CDC42SE2: variants seen among roughly 807,000 people sequenced by gnomAD.
CDC42SE2 encodes CDC42 small effector 2.
Under a neutral mutation model 11.5 loss-of-function variants are expected in CDC42SE2, and 3 were observed. That is an observed-to-expected ratio of 0.26 (90% CI 0.12 to 0.67). CDC42SE2 has a LOEUF of 0.67. Ranked by LOEUF, CDC42SE2 falls within the 30% of genes least tolerant of loss-of-function variation. The pLI, the probability that CDC42SE2 is intolerant of heterozygous loss-of-function variation, is 0.80. For synonymous variants in CDC42SE2, 33 were observed against 34.8 expected, an observed-to-expected ratio of 0.95 and a Z score of 0.18; for missense variants, 82 against 106.8, an observed-to-expected ratio of 0.77 and a Z score of 1.02.
At chr5:131,307,012 T>G (rs1757792319) in intron 1 of CDC42SE2, among the ~76,000 whole-genome samples, 1 of 152,104 alleles carries the variant, frequency 6.6e-6, no homozygotes, top group Non-Finnish European at 1.5e-5. Flanking sequence ...TTTCTACACA[T>G]AAGATCATGT....
At chr5:131,343,467 C>G (rs769078419) in intron 2 of CDC42SE2, among the ~76,000 whole-genome samples, 1 of 152,066 alleles carries the variant, frequency 6.6e-6, no homozygotes, top group Non-Finnish European at 1.5e-5. Flanking sequence ...AATTCCAGCA[C>G]CGTGGGAGGC....
chr5:131,242,193 G>T (rs1233083658), upstream of CDC42SE2, among the ~76,000 whole-genome samples: 1 of 152,144 alleles, frequency 6.6e-6, no homozygotes, highest in Non-Finnish European at 1.5e-5. Context: ...GAAATCTAAA[G>T]GACGGGTAGT....
the CDC42SE2 span, among the ~76,000 whole-genome samples, chr5:131,211,642 A>G: frequency 8.5e-5 from 13 of 152,212 alleles, no homozygotes; most frequent in Non-Finnish European, 1.6e-4. Flanking sequence ...TGCCTTTGCT[A>G]GGCACCCTGA....
At chr5:131,337,632 A>T (rs1393477018) in intron 2 of CDC42SE2, among the ~76,000 whole-genome samples, 1 of 152,120 alleles carries the variant, frequency 6.6e-6, no homozygotes, top group Admixed American at 6.6e-5. Flanking sequence ...TCGAGCTTCC[A>T]GGCTGCTTTG....
intron 1 of CDC42SE2, among the ~76,000 whole-genome samples, chr5:131,297,186 T>C (rs950678613): frequency 6.6e-6 from 1 of 151,680 alleles, no homozygotes. Flanking sequence ...ATTTTTGTTC[T>C]TTCTCGTGCA....
chr5:131,293,554 G>A (rs1165155729), intron 1 of CDC42SE2, among the ~76,000 whole-genome samples: 2 of 137,422 alleles, frequency 1.5e-5, no homozygotes, highest in South Asian at 2.4e-4. Context: ...CCTGGGTGAC[G>A]AGAGCAAAAC....
chr5:131,301,843 A>G (rs1407936496), intron 1 of CDC42SE2, among the ~76,000 whole-genome samples: 1 of 152,082 alleles, frequency 6.6e-6, no homozygotes, highest in Non-Finnish European at 1.5e-5. Flanking sequence ...ATGTATCATC[A>G]TAATATTAAG....
intron 1 of CDC42SE2, among the ~76,000 whole-genome samples, chr5:131,266,505 G>C (rs909185863): frequency 8.7e-5 from 13 of 149,938 alleles, no homozygotes; most frequent in Admixed American, 3.3e-4. Context: ...TGTCACCCAG[G>C]CTAGAGTGCA....
At chr5:131,387,059 T>C (rs1291565696) in intron 4 of CDC42SE2, among the ~76,000 whole-genome samples, 1 of 152,240 alleles carries the variant, frequency 6.6e-6, no homozygotes, top group East Asian at 1.9e-4. Flanking sequence ...AGAGGTATCA[T>C]GTTGCTGTCA....
At chr5:131,321,768 A>G (rs1758195232) in intron 2 of CDC42SE2, among the ~76,000 whole-genome samples, 1 of 151,746 alleles carries the variant, frequency 6.6e-6, no homozygotes, top group Non-Finnish European at 1.5e-5. Context: ...GAAAAAAGGG[A>G]TTCACCTAAT....
chr5:131,334,658 A>G (rs895572284), intron 2 of CDC42SE2, among the ~76,000 whole-genome samples: 8 of 152,176 alleles, frequency 5.3e-5, no homozygotes, highest in African/African-American at 1.9e-4. Flanking sequence ...TTATTGTTCT[A>G]TTCAGAGATT....
intron 2 of CDC42SE2, among the ~76,000 whole-genome samples, chr5:131,326,716 T>C (rs966204714): frequency 6.6e-6 from 1 of 152,318 alleles, no homozygotes; most frequent in Non-Finnish European, 1.5e-5. Flanking sequence ...TTTATAAATA[T>C]GTAATATCTC....
chr5:131,252,801 G>A (rs1756652040), intron 1 of CDC42SE2, among the ~76,000 whole-genome samples: 1 of 152,160 alleles, frequency 6.6e-6, no homozygotes, highest in Admixed American at 6.5e-5. Context: ...ATATCTTCCT[G>A]ATTTTATACA....
intron 2 of CDC42SE2, among the ~76,000 whole-genome samples, chr5:131,355,782 G>C (rs373309894): frequency 4.6e-5 from 7 of 152,064 alleles, no homozygotes; most frequent in Middle Eastern, 3.4e-3. Flanking sequence ...TTTGGAAGTT[G>C]ACCTAAAAAG....
chr5:131,271,042 C>G (rs1048397419), intron 1 of CDC42SE2, among the ~76,000 whole-genome samples: 1 of 152,138 alleles, frequency 6.6e-6, no homozygotes, highest in Non-Finnish European at 1.5e-5. Flanking sequence ...AAAGCTGACT[C>G]TTTCTTCAGG....
chr5:131,237,786 G>A, the CDC42SE2 span, among the ~76,000 whole-genome samples: 5 of 151,978 alleles, frequency 3.3e-5, no homozygotes, highest in South Asian at 4.2e-4. Flanking sequence ...ACAGAGTCTC[G>A]CTATATTGCC....
chr5:131,345,432 A>C (rs974382932), intron 2 of CDC42SE2, among the ~76,000 whole-genome samples: 2 of 150,242 alleles, frequency 1.3e-5, no homozygotes, highest in African/African-American at 4.9e-5. Flanking sequence ...AATGAAATGA[A>C]GTGAGAAGTT....
intron 4 of CDC42SE2, among the ~76,000 whole-genome samples, chr5:131,388,870 T>G (rs1168334023): frequency 6.6e-6 from 1 of 152,174 alleles, no homozygotes; most frequent in African/African-American, 2.4e-5. Context: ...GCTTTTTTGA[T>G]GCAGAGTCTC....
rs1430529207 is a variant in CDC42SE2, at chr5:131,331,024, T to C, written c.-286+14880T>C. ...CTGGGTAACAGAGCGAGACCCTCTC[T>C]CAAAAAAAATAAAATTATCTAAATG... On this transcript the variant is annotated intron_variant, in intron 2 of 4. Coordinates refer to ENST00000505065, the MANE Select transcript of CDC42SE2 (RefSeq NM_001375635.1). Among the ~76,000 whole-genome samples, 3 of 151,890 alleles carry C rather than the reference T, an allele frequency of 2.0e-5. No homozygotes were observed. In the South Asian group the frequency reaches 6.2e-4, roughly 32 times the overall value.
Sources: gnomAD v4.1 joint callset for allele counts (sites outside exome capture counted in the v4.1 genomes callset) on GRCh38, gnomAD v4.1.1 for gene constraint, MANE v1.5 for transcripts, NCBI Gene and HGNC (gene_info 2026-07-23, HGNC 2026-07-21) for gene names.